The following SKAP1 variants were observed in gnomAD, a reference collection of about 807,000 sequenced individuals.
The protein encoded by SKAP1 is src kinase-associated phosphoprotein 1.
SKAP1 carries 44 observed loss-of-function variants against 58.5 expected under a neutral mutation model. The observed-to-expected ratio is 0.75, with a 90% confidence interval of 0.59 to 0.97. SKAP1 has a LOEUF of 0.97. Ranked by LOEUF, SKAP1 falls within the 50% of genes least tolerant of loss-of-function variation. The probability of loss-of-function intolerance (pLI) is 0.00; values close to 1 mark genes in which losing one functional copy is unlikely to be tolerated. For synonymous variants in SKAP1, 127 were observed against 149.7 expected (o/e 0.85, Z 1.11); for missense variants, 390 against 435.2 (o/e 0.90, Z 0.92).
chr17:48,353,289 G>A (rs1318428852), intron 3 of SKAP1, among the ~76,000 whole-genome samples: 1 of 152,070 alleles, frequency 6.6e-6, no homozygotes, highest in African/African-American at 2.4e-5. Context: ...CTTAAATATA[G>A]CATTGACCTG....
At chr17:48,245,176 A>G (rs1273933746) in intron 4 of SKAP1, among the ~76,000 whole-genome samples, 1 of 152,216 alleles carries the variant, frequency 6.6e-6, no homozygotes, top group East Asian at 1.9e-4. Flanking sequence ...GGAAAATAGT[A>G]GGTATCTTCC....
At chr17:48,232,522 T>C (rs2065136782) in intron 4 of SKAP1, among the ~76,000 whole-genome samples, 1 of 152,226 alleles carries the variant, frequency 6.6e-6, no homozygotes, top group African/African-American at 2.4e-5. Context: ...GGTTCCATTG[T>C]GTATTTTACA....
At chr17:48,344,389 G>T (rs1384628783) in intron 4 of SKAP1, 1 of 164,956 alleles carries the variant, frequency 6.1e-6, no homozygotes, top group African/African-American at 2.4e-5. Flanking sequence ...GGGCCTTAGG[G>T]GTTCTTCCAA....
At chr17:48,290,718 C>G (rs370330635) in intron 4 of SKAP1, among the ~76,000 whole-genome samples, 12 of 152,168 alleles carry the variant, frequency 7.9e-5, no homozygotes, top group African/African-American at 2.9e-4. Flanking sequence ...AGAACAGTAC[C>G]TGGCACATAG....
At chr17:48,246,705 A>G (rs1356178673) in intron 4 of SKAP1, among the ~76,000 whole-genome samples, 1 of 152,178 alleles carries the variant, frequency 6.6e-6, no homozygotes, top group African/African-American at 2.4e-5. Flanking sequence ...GAGATCTCTG[A>G]GAGTTAATCA....
intron 7 of SKAP1, 151 bp downstream of exon 7, chr17:48,184,572 G>A: frequency 3.1e-6 from 3 of 955,276 alleles, no homozygotes; most frequent in Non-Finnish European, 5.0e-6. Context: ...TAGCAAATAT[G>A]AGGACATGCC....
At chr17:48,178,680 T>G (rs1274073636) in intron 9 of SKAP1, among the ~76,000 whole-genome samples, 1 of 152,196 alleles carries the variant, frequency 6.6e-6, no homozygotes, top group African/African-American at 2.4e-5. Context: ...TTGGAAAAAT[T>G]TATCACCTGT....
At chr17:48,234,756 C>A (rs543545555) in intron 4 of SKAP1, among the ~76,000 whole-genome samples, 4 of 151,900 alleles carry the variant, frequency 2.6e-5, no homozygotes, top group Admixed American at 2.6e-4. Context: ...TAAATAACCA[C>A]AGAATGTGAT....
chr17:48,345,313 T>C (rs552014155), intron 4 of SKAP1, among the ~76,000 whole-genome samples: 1 of 152,370 alleles, frequency 6.6e-6, no homozygotes, highest in African/African-American at 2.4e-5. Context: ...TTTCTAACAA[T>C]TGAATTATTT....
At chr17:48,149,887 C>T (rs1450592227) in intron 11 of SKAP1, among the ~76,000 whole-genome samples, 1 of 152,112 alleles carries the variant, frequency 6.6e-6, no homozygotes. Flanking sequence ...GTAGGTGCAA[C>T]TTTAATGGCA....
At chr17:48,373,467 A>G (rs1235586352) in intron 2 of SKAP1, among the ~76,000 whole-genome samples, 2 of 152,224 alleles carry the variant, frequency 1.3e-5, no homozygotes, top group Non-Finnish European at 1.5e-5. Context: ...CCAGAGCCCA[A>G]GCTCTTAAAT....
chr17:48,398,810 A>G (rs2144539662), intron 1 of SKAP1, among the ~76,000 whole-genome samples: 1 of 152,298 alleles, frequency 6.6e-6, no homozygotes, highest in South Asian at 2.1e-4. Flanking sequence ...TCATGAGGTC[A>G]GGAGATTGAG....
At position 48,156,977 on chromosome 17, in the gene SKAP1, A is replaced by C. The variant is rs1261215756; in HGVS notation, c.978+5492T>G. On this transcript the variant is annotated intron_variant, in intron 11 of 12. Transcript: ENST00000336915. ...CTAGTATGTGCCCAACACTGATCCA[A>C]AAGTTTATTATTAGTAAAAGGGAAG... 3.3e-5 allele frequency among the ~76,000 whole-genome samples: 5 copies of C among 152,286 alleles called. No individual in the cohort carries two copies. In the East Asian group the frequency reaches 9.6e-4, roughly 29 times the overall value.
chr17:48,412,150 ATTAAT>A (rs2067672551), intron 1 of SKAP1, among the ~76,000 whole-genome samples: 1 of 152,218 alleles, frequency 6.6e-6, no homozygotes, highest in Non-Finnish European at 1.5e-5. Context: ...TATAAAGCCT[ATTAAT>A]TTAAAAAGTG....
chr17:48,423,270 T>C (rs950769091), intron 1 of SKAP1, among the ~76,000 whole-genome samples: 2 of 152,184 alleles, frequency 1.3e-5, no homozygotes, highest in African/African-American at 2.4e-5. Flanking sequence ...GGCATCACAC[T>C]TCTCCTTCAC....
the SKAP1 span, among the ~76,000 whole-genome samples, chr17:48,436,351 C>A: frequency 6.6e-6 from 1 of 152,160 alleles, no homozygotes; most frequent in Non-Finnish European, 1.5e-5. Context: ...GGATTACAGG[C>A]GTGAGCCACC....
At chr17:48,273,610 G>A (rs1433773988) in intron 4 of SKAP1, among the ~76,000 whole-genome samples, 4 of 151,980 alleles carry the variant, frequency 2.6e-5, no homozygotes, top group African/African-American at 4.8e-5. Flanking sequence ...CAGAGGCGGG[G>A]TCTCACCACG....
chr17:48,322,439 G>C (rs963618004), intron 4 of SKAP1, among the ~76,000 whole-genome samples: 8 of 152,204 alleles, frequency 5.3e-5, no homozygotes, highest in African/African-American at 1.4e-4. Flanking sequence ...GAAGTTCATT[G>C]ACAGTTACAC....
At chr17:48,261,597 C>T (rs2065485348) in intron 4 of SKAP1, among the ~76,000 whole-genome samples, 1 of 152,098 alleles carries the variant, frequency 6.6e-6, no homozygotes, top group Admixed American at 6.5e-5. Flanking sequence ...TAACTCAGGC[C>T]TGGTAGCAGT....
Sources: allele counts gnomAD v4.1 joint callset (sites outside exome capture counted in the v4.1 genomes callset), GRCh38; gene constraint gnomAD v4.1.1; transcripts MANE v1.5; gene names NCBI Gene and HGNC (gene_info 2026-07-23, HGNC 2026-07-21).